TRAPPC9: variants seen among roughly 807,000 people sequenced by gnomAD.
TRAPPC9 encodes trafficking protein particle complex subunit 9.
A neutral mutation model predicts 124.0 loss-of-function variants in TRAPPC9; 83 were observed. The ratio of observed to expected loss-of-function variants is 0.67; its 90% CI spans 0.56 to 0.80. The LOEUF is 0.80. TRAPPC9 is among the 30% of genes least tolerant of loss of function. The pLI is 0.00. For synonymous variants in TRAPPC9, 638 were observed against 617.5 expected (o/e 1.03, Z -0.49); for missense variants, 1,302 against 1,508.3 (o/e 0.86, Z 2.27).
rs1817655610 is a variant in TRAPPC9 at position 139,728,378 on chromosome 8, CT to C, written c.*2682del. Among the ~76,000 whole-genome samples, 1 of 152,232 alleles carries C rather than the reference CT, an allele frequency of 6.6e-6. No homozygotes were observed. Among genetic ancestry groups the C allele is most frequent in the Non-Finnish European group, 1.5e-5 (1 of 68,048 alleles). ...TGTTCCTGGCTTACCCTCCGCTGGC[CT>C]TCAGGAGGTTTCTGAATGCACCAGG... On this transcript the variant is annotated 3_prime_UTR_variant, in exon 23 of 23. Coordinates refer to ENST00000438773, the MANE Select transcript of TRAPPC9 (RefSeq NM_001160372.4).
chr8:139,744,359 A>G (rs1586746000), intron 21 of TRAPPC9, among the ~76,000 whole-genome samples: 2 of 142,278 alleles, frequency 1.4e-5, no homozygotes, highest in East Asian at 2.2e-4. Flanking sequence ...GCTCCTTTCC[A>G]CCACCCCTTC....
intron 17 of TRAPPC9, among the ~76,000 whole-genome samples, chr8:140,143,139 C>T (rs1007527763): frequency 6.6e-6 from 1 of 152,228 alleles, no homozygotes; most frequent in Non-Finnish European, 1.5e-5. Flanking sequence ...AGACAGTGTG[C>T]TGGTTAGCAT....
chr8:139,876,155 G>A (rs1196098034), intron 21 of TRAPPC9, among the ~76,000 whole-genome samples: 1 of 152,236 alleles, frequency 6.6e-6, no homozygotes, highest in African/African-American at 2.4e-5. Flanking sequence ...TTTGATGAAA[G>A]GGCACGTTCT....
chr8:140,426,313 A>C (rs1218382677), intron 5 of TRAPPC9, among the ~76,000 whole-genome samples: 1 of 152,240 alleles, frequency 6.6e-6, no homozygotes, highest in Admixed American at 6.5e-5. Flanking sequence ...AATGAATTCA[A>C]AATTAACAGG....
At chr8:139,977,857 C>T (rs1836591501) in intron 19 of TRAPPC9, among the ~76,000 whole-genome samples, 1 of 151,302 alleles carries the variant, frequency 6.6e-6, no homozygotes, top group South Asian at 2.1e-4. Context: ...ATTTTTGTAT[C>T]TTTAGTAGAA....
At chr8:139,880,619 G>T (rs545353831) in intron 21 of TRAPPC9, among the ~76,000 whole-genome samples, 1 of 152,128 alleles carries the variant, frequency 6.6e-6, no homozygotes, top group Non-Finnish European at 1.5e-5. Context: ...CGTCACAATC[G>T]AGAGTCACGT....
Position 140,454,653 on chromosome 8 carries a change from A to C in TRAPPC9, c.-11+2986T>G, listed in dbSNP as rs2071587979. Reference sequence around the variant, plus strand: ...AAGACTCCCTCTCAAAAAAAAAAAAAAAAAAAACACAACCTGACCTCACAC... The same window carrying C: ...AAGACTCCCTCTCAAAAAAAAAAAACAAAAAAACACAACCTGACCTCACAC... On this transcript the variant is annotated intron_variant, in intron 1 of 22. Transcript: ENST00000438773. Among the ~76,000 whole-genome samples, 5 of 150,088 alleles carry C rather than the reference A, an allele frequency of 3.3e-5. No homozygotes were observed. In the South Asian group the frequency reaches 8.5e-4, roughly 25 times the overall value.
chr8:139,855,013 G>T (rs1827714487), intron 21 of TRAPPC9, among the ~76,000 whole-genome samples: 1 of 152,128 alleles, frequency 6.6e-6, no homozygotes, highest in Non-Finnish European at 1.5e-5. Context: ...TTCAAAGCTG[G>T]CACGGTCTCC....
chr8:139,923,469 G>A (rs921739857), intron 19 of TRAPPC9, among the ~76,000 whole-genome samples: 1 of 150,540 alleles, frequency 6.6e-6, no homozygotes, highest in Non-Finnish European at 1.5e-5. Flanking sequence ...CCGAACTCAC[G>A]TTTCACTCAA....
chr8:140,304,238 G>C (rs952651095), intron 10 of TRAPPC9, among the ~76,000 whole-genome samples: 18 of 151,998 alleles, frequency 1.2e-4, no homozygotes, highest in African/African-American at 4.4e-4. Flanking sequence ...GGGACTACAA[G>C]CACCTGCCAC....
intron 21 of TRAPPC9, among the ~76,000 whole-genome samples, chr8:139,779,292 G>T (rs886722323): frequency 2.0e-5 from 3 of 152,070 alleles, no homozygotes; most frequent in Admixed American, 1.3e-4. Context: ...GTGAAACAAA[G>T]AATTTTTCAG....
chr8:140,397,791 G>A, intron 6 of TRAPPC9, 46 bp from the exon 7 acceptor site: 1 of 1,610,876 alleles, frequency 6.2e-7, no homozygotes, highest in Non-Finnish European at 8.5e-7. Context: ...GAGTTCAGAT[G>A]TTTCTGTCAC....
chr8:139,734,162 G>A (rs1473444637), intron 21 of TRAPPC9, among the ~76,000 whole-genome samples: 1 of 152,220 alleles, frequency 6.6e-6, no homozygotes, highest in East Asian at 1.9e-4. Context: ...TTCACAGGGA[G>A]GCTGTGGGGG....
At chr8:139,923,384 T>G (rs572445166) in intron 19 of TRAPPC9, among the ~76,000 whole-genome samples, 35 of 152,314 alleles carry the variant, frequency 2.3e-4, no homozygotes, top group African/African-American at 8.4e-4. Context: ...GTGGGTTTCT[T>G]CCGGCGCCCC....
intron 22 of TRAPPC9, 30 bp downstream of exon 22, chr8:139,731,949 T>C: frequency 6.5e-7 from 1 of 1,550,224 alleles, no homozygotes; most frequent in Non-Finnish European, 8.7e-7. Flanking sequence ...GGCCAGAGGC[T>C]CCCAGACCGC....
intron 21 of TRAPPC9, among the ~76,000 whole-genome samples, chr8:139,822,677 G>T (rs1340733087): frequency 6.6e-6 from 1 of 152,206 alleles, no homozygotes; most frequent in East Asian, 1.9e-4. Context: ...GCTGCCATCT[G>T]CCAGAGGCCT....
chr8:140,280,057 C>T (rs1158246558), intron 14 of TRAPPC9, among the ~76,000 whole-genome samples: 1 of 152,204 alleles, frequency 6.6e-6, no homozygotes, highest in Non-Finnish European at 1.5e-5. Context: ...CGTTGGGCGG[C>T]TGGTGCCCTG....
At chr8:139,891,825 C>T (rs770077690) in intron 20 of TRAPPC9, among the ~76,000 whole-genome samples, 5 of 152,228 alleles carry the variant, frequency 3.3e-5, no homozygotes, top group Non-Finnish European at 7.3e-5. Context: ...AAGCAGCTTA[C>T]ACGTGCTCAG....
chr8:140,150,131 C>G (rs2061522016), intron 17 of TRAPPC9, among the ~76,000 whole-genome samples: 1 of 152,130 alleles, frequency 6.6e-6, no homozygotes, highest in South Asian at 2.1e-4. Context: ...ATGTACCAGG[C>G]ACTGTGGCCA....
Sources: allele counts gnomAD v4.1 joint callset (sites outside exome capture counted in the v4.1 genomes callset), GRCh38; gene constraint gnomAD v4.1.1; transcripts MANE v1.5; gene names NCBI Gene and HGNC (gene_info 2026-07-23, HGNC 2026-07-21).